Variants in UGT1A8 observed in about 807,000 individuals in gnomAD.
UGT1A8 encodes UDP-glucuronosyltransferase 1A8.
UGT1A8 carries 39 observed loss-of-function variants against 45.3 expected under a neutral mutation model. The observed-to-expected ratio is 0.86, with a 90% CI of 0.67 to 1.12. UGT1A8 has a LOEUF of 1.12. Among genes scored for constraint, UGT1A8 ranks in the 50% most tolerant of loss-of-function variants. The probability of loss-of-function intolerance (pLI) is 0.00; values close to 1 mark genes in which losing one functional copy is unlikely to be tolerated. For missense variants in UGT1A8, 719 were observed against 664.9 expected, an observed-to-expected ratio of 1.08 and a Z score of -0.90; for synonymous variants, 275 against 249.2, an observed-to-expected ratio of 1.10 and a Z score of -0.97.
chr2:233,745,240 T>C (rs1693048466), intron 1 of UGT1A8, among the ~76,000 whole-genome samples: 1 of 151,858 alleles, frequency 6.6e-6, no homozygotes, highest in Non-Finnish European at 1.5e-5. Flanking sequence ...CACTATTTAC[T>C]GTATCGAAAC....
chr2:233,651,019 T>C lies in UGT1A8; in HGVS notation c.855+32457T>C, dbSNP rs1215303778. On this transcript the variant is annotated intron_variant, in intron 1 of 4. Coordinates refer to ENST00000373450, the MANE Select transcript of UGT1A8 (RefSeq NM_019076.5). ...AGCTGTTTGGTAAAGGATTGACTTTTAGCCAACTCATGGGAAAATGAAATA... is the reference window on the plus strand; with the variant it reads ...AGCTGTTTGGTAAAGGATTGACTTTCAGCCAACTCATGGGAAAATGAAATA... Among the ~76,000 whole-genome samples, 18 of 152,346 alleles carry C rather than the reference T, an allele frequency of 1.2e-4. No homozygotes were observed. The East Asian group carries it at 3.5e-3, about 29-fold the overall frequency.
At chr2:233,651,576 T>G (rs1301040873) in intron 1 of UGT1A8, among the ~76,000 whole-genome samples, 1 of 152,212 alleles carries the variant, frequency 6.6e-6, no homozygotes, top group Admixed American at 6.5e-5. Flanking sequence ...GAGTGCCCTT[T>G]GACAAAGAGC....
chr2:233,698,273 C>T (rs2075433306), intron 1 of UGT1A8, among the ~76,000 whole-genome samples: 1 of 152,068 alleles, frequency 6.6e-6, no homozygotes, highest in African/African-American at 2.4e-5. Flanking sequence ...CAAACCATTT[C>T]AACACTATGA....
Position 233,618,116 on chromosome 2 carries a change from T to C in UGT1A8, c.409T>C (p.Leu137=), listed in dbSNP as rs758433708. Residue 137 remains leucine, a synonymous_variant, in exon 1 of 5, where the codon TTA becomes CTA. Transcript: ENST00000373450. ...TAATGACCGAAAATTAGTAGAATAC[T>C]TAAAGGAGAGTTCTTTTGATGCGGT... ...LFNDRKLVEY[L]KESSFDAVFL... 4 of 1,614,178 alleles carry C rather than the reference T, an allele frequency of 2.5e-6. No homozygotes were observed. The highest frequency in any genetic ancestry group is 2.2e-5 in the East Asian group (1 of 44,876).
chr2:233,718,961 C>T, intron 1 of UGT1A8: 1 of 1,614,218 alleles, frequency 6.2e-7, no homozygotes, highest in South Asian at 1.1e-5. Context: ...TGCGGGAGGC[C>T]TTGCGGGAGC....
chr2:233,625,496 G>A (rs2073072537), intron 1 of UGT1A8, among the ~76,000 whole-genome samples: 1 of 152,106 alleles, frequency 6.6e-6, no homozygotes, highest in African/African-American at 2.4e-5. Context: ...GCACTGGTAT[G>A]TTCATTGCAG....
intron 1 of UGT1A8, among the ~76,000 whole-genome samples, chr2:233,732,921 ATTGATTCTTCC>A (rs2078336368): frequency 6.6e-6 from 1 of 151,962 alleles, no homozygotes; most frequent in African/African-American, 2.4e-5. Flanking sequence ...TTTTCACGAT[ATTGATTCTTCC>A]TATCCATGAG....
At chr2:233,770,241 C>G (rs1700043521) in intron 4 of UGT1A8, 1 of 152,162 alleles carries the variant, frequency 6.6e-6, no homozygotes, top group Non-Finnish European at 1.5e-5. Context: ...CTCCATGATT[C>G]CAACACTCTG....
intron 3 of UGT1A8, 70 bp from the exon 4 acceptor site, chr2:233,768,150 G>A: frequency 6.2e-7 from 1 of 1,611,942 alleles, no homozygotes; most frequent in Middle Eastern, 1.7e-4. Flanking sequence ...AGTGTTTTCA[G>A]AACCTAGATG....
intron 1 of UGT1A8, among the ~76,000 whole-genome samples, chr2:233,745,360 T>C (rs1413277244): frequency 2.0e-5 from 3 of 151,920 alleles, no homozygotes; most frequent in African/African-American, 4.9e-5. Flanking sequence ...GGAATTTTTT[T>C]GAGATCTGAG....
intron 1 of UGT1A8, among the ~76,000 whole-genome samples, chr2:233,664,877 T>C (rs953913354): frequency 2.0e-5 from 3 of 152,220 alleles, no homozygotes; most frequent in African/African-American, 7.2e-5. Flanking sequence ...TTGTGCCACT[T>C]CATGGACCTC....
chr2:233,719,653 G>C (rs759057764), intron 1 of UGT1A8: 1 of 1,613,960 alleles, frequency 6.2e-7, no homozygotes, highest in African/African-American at 1.3e-5. Context: ...TTCATTGGGG[G>C]CATCAACTGT....
chr2:233,652,178 T>C (rs1013745966), intron 1 of UGT1A8, among the ~76,000 whole-genome samples: 3 of 152,190 alleles, frequency 2.0e-5, no homozygotes, highest in Non-Finnish European at 4.4e-5. Flanking sequence ...CCCCCATTGC[T>C]CTAAGATCTG....
At position 233,648,655 on chromosome 2, in the gene UGT1A8, G is replaced by T. The variant is rs543025960; in HGVS notation, c.855+30093G>T. ...TTTTTTTTGTATTTTTAGTGGAGAC[G>T]GGGTTTCACCGTGTTAGCCAGGATG... On this transcript the variant is annotated intron_variant, in intron 1 of 4. Transcript: ENST00000373450. The T allele has an allele frequency of 2.7e-5, 7 of 263,780 alleles. No homozygotes were observed. In the East Asian group the frequency reaches 6.4e-4, roughly 24 times the overall value. The allele number at this position is 263,780 out of a possible 1,614,324, so 16.3% of individuals were successfully genotyped here.
intron 1 of UGT1A8, among the ~76,000 whole-genome samples, chr2:233,619,152 C>T (rs775172115): frequency 2.6e-5 from 4 of 152,102 alleles, no homozygotes; most frequent in Non-Finnish European, 5.9e-5. Context: ...TGTAAATTCT[C>T]ATACCTATTT....
intron 1 of UGT1A8, among the ~76,000 whole-genome samples, chr2:233,766,331 T>C (rs1699119647): frequency 6.6e-6 from 1 of 152,150 alleles, no homozygotes; most frequent in African/African-American, 2.4e-5. Context: ...CTCCGCGTTG[T>C]TCTGCTGGTC....
chr2:233,660,968 T>C (rs1373599432), intron 1 of UGT1A8, among the ~76,000 whole-genome samples: 1 of 152,128 alleles, frequency 6.6e-6, no homozygotes, highest in Non-Finnish European at 1.5e-5. Flanking sequence ...TATCCTTCAG[T>C]TTTATTTAGC....
Position 233,618,569 on chromosome 2 carries a change from C to A in UGT1A8, c.855+7C>A. On this transcript the variant is annotated splice_region_variant and intron_variant, in intron 1 of 4. Transcript: ENST00000373450. Reference sequence around the variant, plus strand: ...GGGAAAGCCATTGCCTATGGTAAGTCACCTCTCCTTTAGCACATTAGGAAT... The same window carrying A: ...GGGAAAGCCATTGCCTATGGTAAGTAACCTCTCCTTTAGCACATTAGGAAT... 6.2e-7 allele frequency: 1 copy of A among 1,611,292 alleles called. No homozygotes were observed. The highest frequency in any genetic ancestry group is 8.5e-7 in the Non-Finnish European group (1 of 1,177,998).
intron 1 of UGT1A8, chr2:233,721,814 C>T: frequency 1.9e-6 from 1 of 515,666 alleles, no homozygotes; most frequent in Non-Finnish European, 3.9e-6. Flanking sequence ...AAAAATCCAG[C>T]ACCCTATTTG....
Sources: gnomAD v4.1 joint callset for allele counts (sites outside exome capture counted in the v4.1 genomes callset) on GRCh38, gnomAD v4.1.1 for gene constraint, MANE v1.5 for transcripts, NCBI Gene and HGNC (gene_info 2026-07-23, HGNC 2026-07-21) for gene names.